The following SLC35E2B variants were observed in gnomAD, a reference collection of about 807,000 sequenced individuals.
SLC35E2B encodes solute carrier family 35 member E2B, also known as solute carrier family 35, member E2B.
Under a neutral mutation model 32.4 loss-of-function variants are expected in SLC35E2B, and 18 were observed. That is an observed-to-expected ratio of 0.56 (90% CI 0.38 to 0.82). SLC35E2B has a LOEUF of 0.82. SLC35E2B is among the 40% of genes least tolerant of loss of function. SLC35E2B has a pLI of 0.00. For missense variants in SLC35E2B, 263 were observed against 469.5 expected (o/e 0.56, Z 4.06); for synonymous variants, 132 against 209.1 (o/e 0.63, Z 3.18).
At position 1,667,724 on chromosome 1, in the gene SLC35E2B, G is replaced by A. The variant is rs868835513; in HGVS notation, c.980+603C>T. Among the ~76,000 whole-genome samples, 16 of 152,242 alleles carry A rather than the reference G, an allele frequency of 1.1e-4. No individual in the cohort carries two copies. In the Middle Eastern group the frequency reaches 0.01, roughly 97 times the overall value. Reference sequence around the variant, plus strand: ...TCCTGCAGACAAGACTAGTCGCAACGCCCGACTATTCTAGACAGAAAAGCA... The same window carrying A: ...TCCTGCAGACAAGACTAGTCGCAACACCCGACTATTCTAGACAGAAAAGCA... On this transcript the variant is annotated intron_variant, in intron 9 of 9. Coordinates refer to ENST00000617444, the MANE Select transcript of SLC35E2B (RefSeq NM_001290264.2).
Position 1,665,570 on chromosome 1 carries a change from A to T in SLC35E2B, c.*212T>A. The T allele has an allele frequency of 2.8e-6, 2 of 705,338 alleles. No individual in the cohort carries two copies. The highest frequency in any genetic ancestry group is 4.6e-6 in the Non-Finnish European group (2 of 436,188). 43.7% of individuals were successfully genotyped at this position (705,338 alleles called of 1,614,324 possible). Reference sequence around the variant, plus strand: ...ATGGGCTCGGCGGACACAGTCAGCTACTGGTCTGGTCTCTACTCCAGGAAG... The same window carrying T: ...ATGGGCTCGGCGGACACAGTCAGCTTCTGGTCTGGTCTCTACTCCAGGAAG... On this transcript the variant is annotated 3_prime_UTR_variant, in exon 10 of 10. Transcript: ENST00000617444.
intron 2 of SLC35E2B, among the ~76,000 whole-genome samples, chr1:1,690,303 A>AC (rs1557768865): frequency 1.0e-5 from 1 of 98,470 alleles, no homozygotes; most frequent in African/African-American, 3.4e-5. Flanking sequence ...AAGAAACAAA[A>AC]AAAAATATAT....
chr1:1,685,815 A>C (rs1159451599), intron 2 of SLC35E2B, among the ~76,000 whole-genome samples: 2 of 152,110 alleles, frequency 1.3e-5, no homozygotes, highest in African/African-American at 4.8e-5. Context: ...ACAAATACCG[A>C]GTTCTAAACA....
intron 4 of SLC35E2B, 116 bp from the exon 5 acceptor site, chr1:1,675,706 ACCT>A (rs1434418637): frequency 3.3e-5 from 29 of 891,934 alleles, no homozygotes; most frequent in Middle Eastern, 3.4e-4. Context: ...CTCTCCGCCC[ACCT>A]CCTCATCACC....
rs538698843 is a variant in SLC35E2B at position 1,685,859 on chromosome 1, TCTCG to T, written c.-148+5113_-148+5116del. ...TCCCTTTTCTTTTCTTGAGACGGAG[TCTCG>T]CTCTGTCGCCCAGGCTGGAGTGCAA... On this transcript the variant is annotated intron_variant, in intron 2 of 9. Coordinates refer to ENST00000617444, the MANE Select transcript of SLC35E2B (RefSeq NM_001290264.2). 1.5e-3 allele frequency among the ~76,000 whole-genome samples: 227 copies of T among 152,270 alleles called. 2 individuals carry two copies. The highest frequency in any genetic ancestry group is 5.1e-3 in the African/African-American group (212 of 41,544).
At chr1:1,667,415 A>T (rs1643575871) in intron 9 of SLC35E2B, among the ~76,000 whole-genome samples, 1 of 34,468 alleles carries the variant, frequency 2.9e-5, no homozygotes, top group African/African-American at 9.6e-5. Flanking sequence ...TCTGTCTCAA[A>T]AAAATAAATA....
chr1:1,681,444 TG>T (rs1489537650), intron 2 of SLC35E2B, among the ~76,000 whole-genome samples: 2 of 151,290 alleles, frequency 1.3e-5, no homozygotes, highest in Non-Finnish European at 2.9e-5. Flanking sequence ...CCTGACCTCG[TG>T]ATCCACCCAC....
In SLC35E2B at chr1:1,669,682, C is replaced by A. The variant is rs1372323271; in HGVS notation, c.816G>T (p.Pro272=). The A allele has an allele frequency of 2.2e-5, 34 of 1,529,042 alleles. No individual in the cohort carries two copies. Among genetic ancestry groups the A allele is most frequent in the Non-Finnish European group, 3.0e-5 (34 of 1,129,966 alleles). 94.7% of individuals were successfully genotyped at this position (1,529,042 alleles called of 1,614,324 possible). ...AACCCACCGTAAAGAAAACCCGGGCCGGGACGAGCATGGCCACCGCAGCGG... is the reference window on the plus strand; with the variant it reads ...AACCCACCGTAAAGAAAACCCGGGCAGGGACGAGCATGGCCACCGCAGCGG... ...TSAAAVAMLV[P]ARVFFTDVPV... Residue 272 remains proline (P), a synonymous_variant, in exon 8 of 10, where the codon CCG becomes CCT. Coordinates refer to ENST00000617444, the MANE Select transcript of SLC35E2B (RefSeq NM_001290264.2).
intron 2 of SLC35E2B, among the ~76,000 whole-genome samples, chr1:1,679,997 G>C (rs1274783861): frequency 6.6e-6 from 1 of 151,816 alleles, no homozygotes; most frequent in Admixed American, 6.6e-5. Context: ...GGGCGTAGTG[G>C]ATGCCTGTAA....
chr1:1,665,841 G>A lies in SLC35E2B; in HGVS notation c.1159C>T (p.Arg387Trp), dbSNP rs769751984. 1.4e-5 allele frequency: 21 copies of A among 1,550,870 alleles called. No individual in the cohort carries two copies. The highest frequency in any genetic ancestry group is 2.7e-5 in the African/African-American group (2 of 73,054). The change falls in exon 10 of 10, where the codon CGG (arginine) becomes TGG (tryptophan). Residue 387 changes from arginine to tryptophan, a missense_variant. Coordinates refer to ENST00000617444, the MANE Select transcript of SLC35E2B (RefSeq NM_001290264.2). ...GGCTCCACTGTGTCGTCTGGGGCCC[G>A]GCCAGTGGCTGCAGCCAGGCTCTGC... Reference protein sequence around the residue: ...ALQSLAAATGRAPDDTVEPLL... With the variant: ...ALQSLAAATGWAPDDTVEPLL...
rs560896248 is a variant in SLC35E2B at position 1,663,841 on chromosome 1, C to T, written c.*1941G>A. On this transcript the variant is annotated 3_prime_UTR_variant, in exon 10 of 10. Coordinates refer to ENST00000617444, the MANE Select transcript of SLC35E2B (RefSeq NM_001290264.2). ...GGAAAGTCACGTGACAAAACATCTT[C>T]GCAGCGCAGTGAGCACACACCTGGC... 146 of 912,734 alleles carry T rather than the reference C, an allele frequency of 1.6e-4. 6 individuals carry two copies. In the African/African-American group the frequency reaches 2.4e-3, roughly 15 times the overall value. The allele number at this position is 912,734 out of a possible 1,614,324, so 56.5% of individuals were successfully genotyped here. A position where few individuals can be genotyped will look rare whatever the true frequency, so the allele number is the denominator to read the frequency against.
chr1:1,685,645 C>T (rs933716791), intron 2 of SLC35E2B, among the ~76,000 whole-genome samples: 8 of 151,988 alleles, frequency 5.3e-5, no homozygotes, highest in African/African-American at 1.5e-4. Context: ...AACACGAATG[C>T]ATGAACCACA....
At chr1:1,669,278 G>A (rs1482283701) in intron 8 of SLC35E2B, among the ~76,000 whole-genome samples, 1 of 151,788 alleles carries the variant, frequency 6.6e-6, no homozygotes, top group African/African-American at 2.4e-5. Flanking sequence ...AGAATAACTT[G>A]AGCCTGGTAG....
Position 1,661,743 on chromosome 1 carries a change from GTT to G in SLC35E2B, c.*4037_*4038del, listed in dbSNP as rs1366657832. ...TGTGATGTACTTTTAGTTCTCCATA[GTT>G]TTGTTTGGTATAAAGGAAATATAAT... On this transcript the variant is annotated 3_prime_UTR_variant, in exon 10 of 10. Coordinates refer to ENST00000617444, the MANE Select transcript of SLC35E2B (RefSeq NM_001290264.2). 1 of 146,638 alleles carries G rather than the reference GTT, an allele frequency of 6.8e-6. No homozygotes were observed. The highest frequency in any genetic ancestry group is 2.0e-4 in the East Asian group (1 of 4,902). 9.1% of individuals were successfully genotyped at this position (146,638 alleles called of 1,614,324 possible).
chr1:1,683,681 C>T (rs1643919398), intron 2 of SLC35E2B, among the ~76,000 whole-genome samples: 2 of 151,988 alleles, frequency 1.3e-5, no homozygotes, highest in African/African-American at 2.4e-5. Flanking sequence ...CCTGGGGTCA[C>T]CTGGTGTTCT....
chr1:1,681,930 A>AGC (rs931211565), intron 2 of SLC35E2B, among the ~76,000 whole-genome samples: 2 of 136,776 alleles, frequency 1.5e-5, no homozygotes, highest in African/African-American at 5.4e-5. Flanking sequence ...GCTTGCAGCG[A>AGC]GCCGAGATCG....
In SLC35E2B at chr1:1,673,734, G is replaced by A. The variant is rs145033523; in HGVS notation, c.586+1729C>T. On this transcript the variant is annotated intron_variant, in intron 5 of 9. Transcript: ENST00000617444. ...TCCCAGCACTTTGGGAGGCTGAGGC[G>A]TGCGGATCAACGAGGTCAGGAGATC... Among the ~76,000 whole-genome samples the A allele has an allele frequency of 3.6e-3, 554 of 151,916 alleles. 4 individuals carry two copies. The highest frequency in any genetic ancestry group is 0.013 in the African/African-American group (530 of 41,426).
chr1:1,667,856 G>GTT (rs111818712), intron 9 of SLC35E2B, among the ~76,000 whole-genome samples: 11 of 144,300 alleles, frequency 7.6e-5, no homozygotes, highest in Admixed American at 1.4e-4. Context: ...TTGTTTTTCT[G>GTT]TTTTTTTTTT....
chr1:1,662,368 A>T lies in SLC35E2B; in HGVS notation c.*3414T>A, dbSNP rs2101084315. The stretch of plus-strand genomic sequence containing the variant: ...AGGCCTTCGAAAGGCCATCCTTTGG[A>T]CACATGTAAAAAGCTGTCTTGTTGG... On this transcript the variant is annotated 3_prime_UTR_variant, in exon 10 of 10. Coordinates refer to ENST00000617444, the MANE Select transcript of SLC35E2B (RefSeq NM_001290264.2). 1 of 883,056 alleles carries T rather than the reference A, an allele frequency of 1.1e-6. No homozygotes were observed. Among genetic ancestry groups the T allele is most frequent in the Non-Finnish European group, 1.3e-6 (1 of 747,448 alleles). 54.7% of individuals were successfully genotyped at this position (883,056 alleles called of 1,614,324 possible). A position where few individuals can be genotyped will look rare whatever the true frequency, so the allele number is the denominator to read the frequency against.
Sources: gnomAD v4.1 joint callset for allele counts (sites outside exome capture counted in the v4.1 genomes callset) on GRCh38, gnomAD v4.1.1 for gene constraint, MANE v1.5 for transcripts, NCBI Gene and HGNC (gene_info 2026-07-23, HGNC 2026-07-21) for gene names.